The following WWOX variants were observed in gnomAD, a reference collection of about 807,000 sequenced individuals.
The protein encoded by WWOX is WW domain-containing oxidoreductase.
A neutral mutation model predicts 46.2 loss-of-function variants in WWOX; 69 were observed. The ratio of observed to expected loss-of-function variants is 1.49; its 90% CI spans 1.23 to 1.82. WWOX has a LOEUF of 1.82. Among genes scored for constraint, WWOX ranks in the 40% most tolerant of loss-of-function variants. The pLI, the probability that WWOX is intolerant of heterozygous loss-of-function variation, is 0.00. For synonymous variants in WWOX, 359 were observed against 202.6 expected (o/e 1.77, Z -6.56); for missense variants, 919 against 542.6 (o/e 1.69, Z -6.89).
At chr16:79,128,806 A>C (rs1287715640) in intron 8 of WWOX, among the ~76,000 whole-genome samples, 2 of 152,164 alleles carry the variant, frequency 1.3e-5, no homozygotes, top group African/African-American at 4.8e-5. Flanking sequence ...AGGTCTCCTT[A>C]CATATTTTGT....
intron 8 of WWOX, among the ~76,000 whole-genome samples, chr16:78,699,716 G>A (rs2048172792): frequency 6.6e-6 from 1 of 152,124 alleles, no homozygotes; most frequent in Non-Finnish European, 1.5e-5. Context: ...CTACCAGATG[G>A]TACCTCACTT....
chr16:78,169,487 TC>T (rs574984425), intron 5 of WWOX, among the ~76,000 whole-genome samples: 100,539 of 151,616 alleles, frequency 0.66, 33,710 homozygotes, highest in African/African-American at 0.73. Context: ...TCTCAGGACC[TC>T]TGCATGTAAA....
chr16:78,324,329 C>T (rs2080560311), intron 5 of WWOX, among the ~76,000 whole-genome samples: 1 of 152,076 alleles, frequency 6.6e-6, no homozygotes. Flanking sequence ...TTGGAACCCT[C>T]ACACACCATT....
At chr16:78,602,016 A>T (rs539256967) in intron 8 of WWOX, among the ~76,000 whole-genome samples, 1 of 152,356 alleles carries the variant, frequency 6.6e-6, no homozygotes, top group East Asian at 1.9e-4. Flanking sequence ...GTTTCGTATT[A>T]GGGATATAAT....
chr16:78,619,410 C>T (rs1470803748), intron 8 of WWOX, among the ~76,000 whole-genome samples: 1 of 145,520 alleles, frequency 6.9e-6, no homozygotes, highest in Non-Finnish European at 1.5e-5. Flanking sequence ...GCACACACTC[C>T]AGGTGTATAT....
rs1247585856 is a variant in WWOX at position 78,339,405 on chromosome 16, C to T, written c.517-47455C>T. ...AACAACTCCCCTGGAGCCTTTGTAC[C>T]TTCTGCAGTTTGGGGTTGTTGTCCT... On this transcript the variant is annotated intron_variant, in intron 5 of 8. Transcript: ENST00000566780. Among the ~76,000 whole-genome samples the T allele has an allele frequency of 3.5e-5, 4 of 115,818 alleles. No homozygotes were observed. The East Asian group carries it at 7.8e-4, about 23-fold the overall frequency. The allele number at this position is 115,818 out of a possible 152,430, so 76.0% of individuals were successfully genotyped here.
chr16:78,717,898 A>G (rs2048602823), intron 8 of WWOX, among the ~76,000 whole-genome samples: 1 of 152,128 alleles, frequency 6.6e-6, no homozygotes, highest in Non-Finnish European at 1.5e-5. Context: ...TTTGAAACCT[A>G]TTCACGACAT....
chr16:78,656,173 T>C (rs1037625731), intron 8 of WWOX, among the ~76,000 whole-genome samples: 3 of 152,140 alleles, frequency 2.0e-5, no homozygotes, highest in African/African-American at 7.2e-5. Flanking sequence ...AACATTTGTG[T>C]GTGTGTGGGT....
At chr16:78,707,632 C>G (rs1216184201) in intron 8 of WWOX, among the ~76,000 whole-genome samples, 2 of 152,038 alleles carry the variant, frequency 1.3e-5, no homozygotes, top group Admixed American at 1.3e-4. Flanking sequence ...CCTGTAATCC[C>G]AGGGCTTTGG....
At chr16:78,506,295 C>T (rs1000858180) in intron 8 of WWOX, among the ~76,000 whole-genome samples, 2 of 152,210 alleles carry the variant, frequency 1.3e-5, no homozygotes, top group African/African-American at 4.8e-5. Flanking sequence ...CACTCTATAT[C>T]GCTTTTGCTT....
rs530486192 is a variant in WWOX, at chr16:78,796,827, C to CTTT, written c.1056+364090_1056+364092dup. ...TGATCCCATGTTTCTTTATCTTCTT[C>CTTT]TTTTTTTTTTTTTTTTTAGCCATAG... is the stretch of plus-strand genomic sequence containing the variant. On this transcript the variant is annotated intron_variant, in intron 8 of 8. Coordinates refer to ENST00000566780, the MANE Select transcript of WWOX (RefSeq NM_016373.4). Among the ~76,000 whole-genome samples, 512 of 133,100 alleles carry CTTT rather than the reference C, an allele frequency of 3.8e-3. 10 individuals carry two copies. In the East Asian group the frequency reaches 0.057, roughly 15 times the overall value. 87.3% of individuals were successfully genotyped at this position (133,100 alleles called of 152,430 possible). A position where few individuals can be genotyped will look rare whatever the true frequency, so the allele number is the denominator to read the frequency against.
At chr16:78,962,611 A>G (rs2046292259) in intron 8 of WWOX, among the ~76,000 whole-genome samples, 1 of 152,186 alleles carries the variant, frequency 6.6e-6, no homozygotes, top group Non-Finnish European at 1.5e-5. Context: ...AGAGGAGGGC[A>G]TTCAGAAAAT....
At chr16:78,747,306 C>T (rs917161452) in intron 8 of WWOX, among the ~76,000 whole-genome samples, 7 of 151,920 alleles carry the variant, frequency 4.6e-5, no homozygotes, top group Non-Finnish European at 1.0e-4. Context: ...ATTCTCTAGC[C>T]TCAGCCTCCC....
chr16:78,487,584 T>A (rs1403064967), intron 8 of WWOX, among the ~76,000 whole-genome samples: 1 of 152,160 alleles, frequency 6.6e-6, no homozygotes. Flanking sequence ...TTCGTGCTGT[T>A]AATATTGGAA....
intron 3 of WWOX, among the ~76,000 whole-genome samples, chr16:78,110,437 A>C (rs1053467119): frequency 6.6e-6 from 1 of 151,796 alleles, no homozygotes; most frequent in East Asian, 1.9e-4. Flanking sequence ...TCTTGTATCC[A>C]TATCTATTTT....
intron 8 of WWOX, among the ~76,000 whole-genome samples, chr16:78,673,958 C>T (rs188090594): frequency 1.3e-5 from 2 of 152,158 alleles, no homozygotes; most frequent in East Asian, 3.9e-4. Context: ...CACATAAAAT[C>T]AGAAACATGG....
At chr16:78,104,010 C>G (rs775768084) in intron 1 of WWOX, among the ~76,000 whole-genome samples, 4 of 152,108 alleles carry the variant, frequency 2.6e-5, no homozygotes, top group Non-Finnish European at 4.4e-5. Flanking sequence ...GGCCTTTCTT[C>G]TACCCCTCTC....
chr16:78,549,082 G>C (rs1341291445), intron 8 of WWOX, among the ~76,000 whole-genome samples: 2 of 152,148 alleles, frequency 1.3e-5, no homozygotes, highest in African/African-American at 2.4e-5. Flanking sequence ...ATAAAGTGAG[G>C]AAAATAAATC....
intron 8 of WWOX, among the ~76,000 whole-genome samples, chr16:78,817,820 A>G (rs1227824513): frequency 6.6e-6 from 1 of 151,814 alleles, no homozygotes; most frequent in African/African-American, 2.4e-5. Flanking sequence ...CAGTCCAGTC[A>G]CCCCAGTGAA....
Sources: gnomAD v4.1 joint callset for allele counts (sites outside exome capture counted in the v4.1 genomes callset) on GRCh38, gnomAD v4.1.1 for gene constraint, MANE v1.5 for transcripts, NCBI Gene and HGNC (gene_info 2026-07-23, HGNC 2026-07-21) for gene names.